Variants in ANKRD44 observed in about 807,000 individuals in gnomAD.
ANKRD44 encodes serine/threonine-protein phosphatase 6 regulatory ankyrin repeat subunit B.
In ANKRD44, 35 loss-of-function variants were observed where a neutral mutation model predicts 116.0. The observed-to-expected ratio is 0.30, with a 90% CI of 0.23 to 0.40. The LOEUF (loss-of-function observed/expected upper bound fraction) is 0.40, where lower values mean the gene tolerates loss of function less well. ANKRD44 is among the 10% of genes least tolerant of loss of function. The probability of loss-of-function intolerance (pLI) is 1.00; values close to 1 mark genes in which losing one functional copy is unlikely to be tolerated. For synonymous variants in ANKRD44, 435 were observed against 461.8 expected (o/e 0.94, Z 0.74); for missense variants, 1,014 against 1,242.6 (o/e 0.82, Z 2.77).
intron 16 of ANKRD44, 53 bp from the exon 17 acceptor site, chr2:197,025,320 T>G (rs752270642): frequency 4.1e-6 from 6 of 1,481,440 alleles, no homozygotes; most frequent in Non-Finnish European, 4.7e-6. Context: ...TTGCAAAATG[T>G]TGGTGTAAAT....
chr2:197,251,551 A>C (rs1328886075), intron 1 of ANKRD44, among the ~76,000 whole-genome samples: 1 of 152,218 alleles, frequency 6.6e-6, no homozygotes, highest in Non-Finnish European at 1.5e-5. Context: ...ATAGCCATAA[A>C]ATGGTTTCTC....
chr2:197,015,270 G>A (rs1432941826), intron 17 of ANKRD44: 2 of 347,560 alleles, frequency 5.8e-6, no homozygotes, highest in East Asian at 1.5e-4. Flanking sequence ...GAAAATATTT[G>A]TTGGTGGTAT....
rs544907278 is a variant in ANKRD44, at chr2:197,283,981, G to C, written c.27+26597C>G. 2.4e-4 allele frequency among the ~76,000 whole-genome samples: 37 copies of C among 152,314 alleles called. No individual in the cohort carries two copies. The South Asian group carries it at 7.7e-3, about 32-fold the overall frequency. On this transcript the variant is annotated intron_variant, in intron 1 of 27. Coordinates refer to ENST00000282272, the MANE Select transcript of ANKRD44 (RefSeq NM_001195144.2). Reference sequence around the variant, plus strand: ...ACGAGGTACCAGATACAGAGAGATTGTGTAGAAGAATGAACACTGTTAACT... The same window carrying C: ...ACGAGGTACCAGATACAGAGAGATTCTGTAGAAGAATGAACACTGTTAACT...
chr2:197,048,263 A>G (rs895037517), intron 16 of ANKRD44, among the ~76,000 whole-genome samples: 6 of 152,132 alleles, frequency 3.9e-5, no homozygotes, highest in African/African-American at 1.2e-4. Context: ...ATAGCTATAC[A>G]TATGCCATGT....
At chr2:197,229,319 G>A (rs2081799460) in intron 1 of ANKRD44, among the ~76,000 whole-genome samples, 2 of 151,978 alleles carry the variant, frequency 1.3e-5, no homozygotes, top group South Asian at 4.1e-4. Flanking sequence ...ATCCAAATGA[G>A]GAAAAAATGA....
intron 2 of ANKRD44, among the ~76,000 whole-genome samples, chr2:197,161,134 G>A (rs559304553): frequency 1.3e-5 from 2 of 152,252 alleles, no homozygotes; most frequent in Admixed American, 6.5e-5. Context: ...TGCTTAGTGA[G>A]GCTAGACCTC....
At chr2:197,218,714 G>A (rs991602718) in intron 1 of ANKRD44, among the ~76,000 whole-genome samples, 1 of 144,950 alleles carries the variant, frequency 6.9e-6, no homozygotes, top group African/African-American at 2.6e-5. Flanking sequence ...GTTGCCTGAT[G>A]CCACTTTAGA....
chr2:197,147,739 G>A, intron 2 of ANKRD44: 1 of 324,972 alleles, frequency 3.1e-6, no homozygotes, highest in South Asian at 2.4e-5. Context: ...TAGTATACTA[G>A]ACAATAGTAT....
At chr2:197,142,619 T>C (rs999948793) in intron 3 of ANKRD44, among the ~76,000 whole-genome samples, 1 of 152,200 alleles carries the variant, frequency 6.6e-6, no homozygotes, top group Non-Finnish European at 1.5e-5. Flanking sequence ...TATTACTTTA[T>C]AATTGCACCA....
At chr2:196,979,554 C>CTTTTTTTTTTTTTTTTTTTTTTT (rs71012942) in intron 21 of ANKRD44, among the ~76,000 whole-genome samples, 10 of 59,644 alleles carry the variant, frequency 1.7e-4, no homozygotes, top group East Asian at 6.5e-4. Context: ...AATAAGATGA[C>CTTTTTTTTTTTTTTTTTTTTTTT]TTTTTTTTTT....
chr2:197,151,123 C>CAAA (rs57630063), intron 2 of ANKRD44, among the ~76,000 whole-genome samples: 1 of 139,704 alleles, frequency 7.2e-6, no homozygotes, highest in African/African-American at 2.7e-5. Flanking sequence ...TGAAAATATG[C>CAAA]AAAAAAAAAA....
intron 1 of ANKRD44, among the ~76,000 whole-genome samples, chr2:197,207,783 T>C (rs141934853): frequency 1.3e-5 from 2 of 152,274 alleles, no homozygotes; most frequent in African/African-American, 4.8e-5. Flanking sequence ...ATGCCCCATA[T>C]GGGTTGAATA....
At chr2:197,256,252 T>G (rs2082443901) in intron 1 of ANKRD44, among the ~76,000 whole-genome samples, 1 of 152,216 alleles carries the variant, frequency 6.6e-6, no homozygotes, top group Non-Finnish European at 1.5e-5. Flanking sequence ...CCAGGCTCAT[T>G]TCTAAATCAC....
chr2:197,269,199 A>C (rs1349524302), intron 1 of ANKRD44, among the ~76,000 whole-genome samples: 1 of 152,236 alleles, frequency 6.6e-6, no homozygotes, highest in African/African-American at 2.4e-5. Context: ...TTTAACTGCC[A>C]GAGCAGAGTA....
chr2:197,122,895 T>C (rs962021781), intron 6 of ANKRD44, 103 bp from the exon 7 acceptor site: 1 of 1,385,022 alleles, frequency 7.2e-7, no homozygotes, highest in South Asian at 1.4e-5. Flanking sequence ...GCCACCAGTA[T>C]TTTGCTGAGT....
chr2:197,088,895 C>A (rs967144357), intron 11 of ANKRD44, 121 bp from the exon 12 acceptor site: 2 of 1,035,270 alleles, frequency 1.9e-6, no homozygotes, highest in South Asian at 4.0e-5. Context: ...AGAATGCAAG[C>A]AATTGTAGTC....
rs546680038 is a variant in ANKRD44 at position 197,030,818 on chromosome 2, T to G, written c.1651-5551A>C. Among the ~76,000 whole-genome samples the G allele has an allele frequency of 1.9e-4, 29 of 152,224 alleles. No homozygotes were observed. In the South Asian group the frequency reaches 3.7e-3, roughly 20 times the overall value. Reference sequence around the variant, plus strand: ...AAGAGCAATACAAGTGCTTTTGTTGTTGGTGGTGGTGTTGTTTTTTACTTA... The same window carrying G: ...AAGAGCAATACAAGTGCTTTTGTTGGTGGTGGTGGTGTTGTTTTTTACTTA... On this transcript the variant is annotated intron_variant, in intron 16 of 27. Transcript: ENST00000282272.
At position 196,989,048 on chromosome 2, in the gene ANKRD44, T is replaced by C. The variant is rs2075873492; in HGVS notation, c.*543A>G. 1 of 985,434 alleles carries C rather than the reference T, an allele frequency of 1.0e-6. No individual in the cohort carries two copies. Among genetic ancestry groups the C allele is most frequent in the Non-Finnish European group, 1.2e-6 (1 of 829,992 alleles). 61.0% of individuals were successfully genotyped at this position (985,434 alleles called of 1,614,324 possible). A position where few individuals can be genotyped will look rare whatever the true frequency, so the allele number is the denominator to read the frequency against. Reference sequence around the variant, plus strand: ...CCTCTCTAACCAACGCGGAAGAACCTGAGGGTCATCTGGAAACCTTAGCAG... The same window carrying C: ...CCTCTCTAACCAACGCGGAAGAACCCGAGGGTCATCTGGAAACCTTAGCAG... On this transcript the variant is annotated 3_prime_UTR_variant, in exon 28 of 28. Coordinates refer to ENST00000282272, the MANE Select transcript of ANKRD44 (RefSeq NM_001195144.2).
chr2:197,123,385 T>A (rs2078902689), intron 6 of ANKRD44, among the ~76,000 whole-genome samples: 2 of 152,226 alleles, frequency 1.3e-5, no homozygotes, highest in South Asian at 4.1e-4. Flanking sequence ...CTGTTAGCAT[T>A]TTTTTCTACA....
Sources: gnomAD v4.1 joint callset for allele counts (sites outside exome capture counted in the v4.1 genomes callset) on GRCh38, gnomAD v4.1.1 for gene constraint, MANE v1.5 for transcripts, NCBI Gene and HGNC (gene_info 2026-07-23, HGNC 2026-07-21) for gene names.